Variants in UTP4 observed in about 807,000 individuals in gnomAD.
The protein encoded by UTP4 is U3 small nucleolar RNA-associated protein 4 homolog.
A neutral mutation model predicts 82.4 loss-of-function variants in UTP4; 45 were observed. The ratio of observed to expected loss-of-function variants is 0.55; its 90% confidence interval spans 0.43 to 0.70. The LOEUF is 0.70. Among genes scored for constraint, UTP4 ranks in the 30% least tolerant of loss-of-function variants. The pLI is 0.00. For synonymous variants in UTP4, 348 were observed against 300.3 expected (o/e 1.16, Z -1.64); for missense variants, 819 against 858.3 (o/e 0.95, Z 0.57).
chr16:69,165,500 A>T lies in UTP4; in HGVS notation c.1807A>T (p.Met603Leu). The change falls in exon 15 of 17, where the codon ATG (methionine) becomes TTG (leucine). Residue 603 changes from methionine to leucine, a missense_variant. Transcript: ENST00000314423. ...GCACATCCTTCTCCATGATGCCTAC[A>T]TGTTCTGCATCATTGACAAGTCATT... The part of the protein sequence containing the change: ...PMHILLHDAY[M>L]FCIIDKSLPL... 1 of 1,614,012 alleles carries T rather than the reference A, an allele frequency of 6.2e-7. No homozygotes were observed. The highest frequency in any genetic ancestry group is 8.5e-7 in the Non-Finnish European group (1 of 1,179,870).
In UTP4 at chr16:69,154,463, G is replaced by C. The variant is rs187936276; in HGVS notation, c.1164+6G>C. ...TACTGCACCTAAAGACAAAGGTAAG[G>C]AAGTTTGTTTAGGCTCTGAATTCTA... On this transcript the variant is annotated splice_donor_region_variant and intron_variant, in intron 10 of 16. Coordinates refer to ENST00000314423, the MANE Select transcript of UTP4 (RefSeq NM_032830.3). The C allele has an allele frequency of 6.2e-7, 1 of 1,606,046 alleles. No individual in the cohort carries two copies. Among genetic ancestry groups the C allele is most frequent in the African/African-American group, 1.3e-5 (1 of 74,880 alleles).
At position 69,137,789 on chromosome 16, in the gene UTP4, T is replaced by G. The variant is rs775586511; in HGVS notation, c.352-12T>G. ...ATTGATTTTTTCTGTTTACTACCTC[T>G]TTCTCAAATAGGTTGGTTGTGAAGA... On this transcript the variant is annotated splice_polypyrimidine_tract_variant and intron_variant, in intron 3 of 16. Coordinates refer to ENST00000314423, the MANE Select transcript of UTP4 (RefSeq NM_032830.3). 1.3e-6 allele frequency: 2 copies of G among 1,560,486 alleles called. No homozygotes were observed. Among genetic ancestry groups the G allele is most frequent in the Non-Finnish European group, 1.8e-6 (2 of 1,131,112 alleles).
At chr16:69,150,447 C>T in intron 6 of UTP4, 90 bp from the exon 7 acceptor site, 1 of 1,426,774 alleles carries the variant, frequency 7.0e-7, no homozygotes, top group Admixed American at 1.7e-5. Context: ...AGGTTTACCC[C>T]TAAGCTGCTG....
intron 12 of UTP4, among the ~76,000 whole-genome samples, chr16:69,159,998 CA>C (rs1364113885): frequency 6.8e-6 from 1 of 147,118 alleles, no homozygotes; most frequent in Admixed American, 6.8e-5. Flanking sequence ...AAAAAAAAAA[CA>C]AAAAACAGAA....
Position 69,163,260 on chromosome 16 carries a change from C to CT in UTP4, c.1647+90dup, listed in dbSNP as rs547048514. ...TGGAATATTGGGCAGTTGCGGGGAG[C>CT]TTTTTTTTGAAGGTGTTGGAGGATA... On this transcript the variant is annotated intron_variant, in intron 14 of 16. Coordinates refer to ENST00000314423, the MANE Select transcript of UTP4 (RefSeq NM_032830.3). 3.6e-4 allele frequency: 419 copies of CT among 1,160,984 alleles called. 2 individuals are homozygous for CT. The African/African-American group carries it at 4.5e-3, about 12-fold the overall frequency. 71.9% of individuals were successfully genotyped at this position (1,160,984 alleles called of 1,614,324 possible).
intron 4 of UTP4, among the ~76,000 whole-genome samples, chr16:69,138,437 C>T (rs1962868770): frequency 6.6e-6 from 1 of 152,098 alleles, no homozygotes; most frequent in Non-Finnish European, 1.5e-5. Flanking sequence ...AGGATTTCAC[C>T]ATGTTGGCCA....
At position 69,163,140 on chromosome 16, in the gene UTP4, A is replaced by G. The variant is rs778335378; in HGVS notation, c.1609A>G (p.Asn537Asp). ...FPVTAMAIAPNTNNLVIAHSD... is the reference protein window; with the variant it reads ...FPVTAMAIAPDTNNLVIAHSD... ...AGTGACTGCTATGGCTATTGCCCCC[A>G]ATACCAACAACCTTGTCATCGCTCA... The change falls in exon 14 of 17, where the codon AAT becomes GAT. Residue 537 changes from asparagine (N) to aspartate (D), a missense_variant. Transcript: ENST00000314423. 3 of 1,614,114 alleles carry G rather than the reference A, an allele frequency of 1.9e-6. No individual in the cohort carries two copies. In the Admixed American group the frequency reaches 5.0e-5, roughly 27 times the overall value.
chr16:69,139,912 C>T lies in UTP4; in HGVS notation c.524C>T (p.Ser175Leu). ...TACATTAGTGTGTTTGATGTCAAATCAGGTGATTGTTTTTTTCAGTTCATT... is the reference window on the plus strand; with the variant it reads ...TACATTAGTGTGTTTGATGTCAAATTAGGTGATTGTTTTTTTCAGTTCATT... ...IDYISVFDVKSGSAVHKMIVD... is the reference protein window; with the variant it reads ...IDYISVFDVKLGSAVHKMIVD... The change falls in exon 5 of 17, where the codon TCA becomes TTA. Residue 175 changes from serine (S) to leucine (L), a missense_variant and splice_region_variant. Physicochemically the swap from Ser to Leu is moderately radical, Grantham distance 145. Transcript: ENST00000314423. The T allele has an allele frequency of 4.4e-6, 7 of 1,608,146 alleles. No individual in the cohort carries two copies. Among genetic ancestry groups the T allele is most frequent in the Non-Finnish European group, 6.0e-6 (7 of 1,174,628 alleles).
At chr16:69,137,753 A>G in intron 3 of UTP4, 48 bp from the exon 4 acceptor site, 1 of 1,046,788 alleles carries the variant, frequency 9.6e-7, no homozygotes, top group Non-Finnish European at 1.5e-6. Flanking sequence ...TAGTCCTATA[A>G]AATGTTTACT....
At chr16:69,165,154 C>A (rs1963670643) in intron 14 of UTP4, among the ~76,000 whole-genome samples, 187 bp from the exon 15 acceptor site, 1 of 150,482 alleles carries the variant, frequency 6.6e-6, no homozygotes, top group African/African-American at 2.5e-5. Context: ...GAGATCACGC[C>A]ACTACACTCC....
At chr16:69,147,018 AAAT>A (rs1963131034) in intron 6 of UTP4, among the ~76,000 whole-genome samples, 1 of 147,850 alleles carries the variant, frequency 6.8e-6, no homozygotes, top group Non-Finnish European at 1.5e-5. Flanking sequence ...AAAAAAAAAA[AAAT>A]ACAAAAATTA....
intron 8 of UTP4, among the ~76,000 whole-genome samples, chr16:69,153,370 T>C (rs555686489): frequency 6.6e-6 from 1 of 152,240 alleles, no homozygotes; most frequent in Non-Finnish European, 1.5e-5. Context: ...GTCACCCCTT[T>C]AGAAGCATGT....
chr16:69,155,413 C>T (rs1171205670), intron 10 of UTP4, among the ~76,000 whole-genome samples: 1 of 152,166 alleles, frequency 6.6e-6, no homozygotes, highest in Non-Finnish European at 1.5e-5. Flanking sequence ...CAATCCTCCA[C>T]CTCAGCCTCC....
Position 69,160,445 on chromosome 16 carries a change from A to G in UTP4, c.1534A>G (p.Asn512Asp). Residue 512 changes from asparagine (N) to aspartate (D), a missense_variant, in exon 13 of 17, where the codon AAC becomes GAC. Asn to Asp is a conservative substitution (Grantham distance 23). Coordinates refer to ENST00000314423, the MANE Select transcript of UTP4 (RefSeq NM_032830.3). Reference sequence around the variant, plus strand: ...TACCAGTGCTGGAGTCCATGTCTACAACGTAAAACAGCTAAAGGTGAGCAT... The same window carrying G: ...TACCAGTGCTGGAGTCCATGTCTACGACGTAAAACAGCTAAAGGTGAGCAT... ...SGTSAGVHVY[N>D]VKQLKLHCTV... is the part of the protein sequence containing the mutation. 1.2e-6 allele frequency: 2 copies of G among 1,613,894 alleles called. No homozygotes were observed. Among genetic ancestry groups the G allele is most frequent in the Non-Finnish European group, 1.7e-6 (2 of 1,179,744 alleles).
chr16:69,147,723 T>A (rs1963155738), intron 6 of UTP4, among the ~76,000 whole-genome samples: 1 of 152,196 alleles, frequency 6.6e-6, no homozygotes, highest in African/African-American at 2.4e-5. Flanking sequence ...ACGTCCCTGA[T>A]ACACATAGCC....
intron 13 of UTP4, among the ~76,000 whole-genome samples, chr16:69,161,976 T>G (rs1404638657): frequency 1.4e-5 from 2 of 147,572 alleles, no homozygotes; most frequent in Non-Finnish European, 3.0e-5. Flanking sequence ...AGGCCTTTTG[T>G]TTTTTTTTTG....
chr16:69,144,044 C>T (rs186748275), intron 6 of UTP4, among the ~76,000 whole-genome samples: 1 of 152,052 alleles, frequency 6.6e-6, no homozygotes, highest in Non-Finnish European at 1.5e-5. Flanking sequence ...CCTGTCACCA[C>T]ACCCAGCTAA....
At chr16:69,157,056 C>T (rs1366516710) in intron 11 of UTP4, 28 bp from the exon 12 acceptor site, 2 of 1,613,754 alleles carry the variant, frequency 1.2e-6, no homozygotes, top group East Asian at 2.2e-5. Context: ...CCTTCTCTCA[C>T]TGGCTTTTAT....
chr16:69,164,597 T>TATATAC (rs1555495228), intron 14 of UTP4, among the ~76,000 whole-genome samples: 7 of 130,924 alleles, frequency 5.3e-5, no homozygotes, highest in Admixed American at 3.9e-4. Context: ...TATATATATA[T>TATATAC]ATATATATAT....
Sources: gnomAD v4.1 joint callset for allele counts (sites outside exome capture counted in the v4.1 genomes callset) on GRCh38, gnomAD v4.1.1 for gene constraint, MANE v1.5 for transcripts, NCBI Gene and HGNC (gene_info 2026-07-23, HGNC 2026-07-21) for gene names.